The following KIAA1328 variants were observed in gnomAD, a reference collection of about 807,000 sequenced individuals.
KIAA1328 encodes the protein KIAA1328.
In KIAA1328, 52 loss-of-function variants were observed where a neutral mutation model predicts 68.1. The ratio of observed to expected loss-of-function variants is 0.76; its 90% CI spans 0.61 to 0.96. The LOEUF (loss-of-function observed/expected upper bound fraction) is 0.96. Ranked by LOEUF, KIAA1328 falls within the 40% of genes least tolerant of loss-of-function variation. The pLI, the probability that KIAA1328 is intolerant of heterozygous loss-of-function variation, is 0.00. For missense variants in KIAA1328, 641 were observed against 677.6 expected (o/e 0.95, Z 0.60); for synonymous variants, 232 against 239.4 (o/e 0.97, Z 0.28).
At chr18:37,014,006 G>T (rs1442331045) in intron 6 of KIAA1328, among the ~76,000 whole-genome samples, 1 of 152,126 alleles carries the variant, frequency 6.6e-6, no homozygotes, top group Non-Finnish European at 1.5e-5. Flanking sequence ...GCCAGCATCT[G>T]TTTTTTTGTT....
intron 6 of KIAA1328, among the ~76,000 whole-genome samples, chr18:36,995,407 G>A (rs907148463): frequency 1.2e-4 from 19 of 152,026 alleles, no homozygotes; most frequent in African/African-American, 2.4e-4. Flanking sequence ...GAATAGTGCC[G>A]CAATAAATAT....
intron 6 of KIAA1328, among the ~76,000 whole-genome samples, chr18:37,052,503 G>C (rs1486277239): frequency 1.3e-5 from 2 of 151,670 alleles, no homozygotes; most frequent in Non-Finnish European, 2.9e-5. Context: ...AATCAGACAA[G>C]ATAAAGAAAT....
chr18:37,038,487 A>G (rs1173296097), intron 6 of KIAA1328, among the ~76,000 whole-genome samples: 1 of 152,158 alleles, frequency 6.6e-6, no homozygotes, highest in East Asian at 1.9e-4. Context: ...ATATTAAAAT[A>G]TAGTGGATGT....
At chr18:37,147,954 T>C (rs1167497876) in intron 7 of KIAA1328, among the ~76,000 whole-genome samples, 1 of 152,082 alleles carries the variant, frequency 6.6e-6, no homozygotes, top group African/African-American at 2.4e-5. Flanking sequence ...GGCTACAAAC[T>C]TGTAGGGCAT....
chr18:37,064,849 A>AT (rs1321253602), intron 6 of KIAA1328, among the ~76,000 whole-genome samples: 1 of 152,132 alleles, frequency 6.6e-6, no homozygotes, highest in African/African-American at 2.4e-5. Context: ...AAGGAAGCTG[A>AT]TTCTGTCTTC....
At chr18:36,839,474 A>G (rs536820014) in intron 3 of KIAA1328, among the ~76,000 whole-genome samples, 1 of 152,326 alleles carries the variant, frequency 6.6e-6, no homozygotes, top group South Asian at 2.1e-4. Context: ...TCTTGAACAT[A>G]TGGAACATAG....
intron 6 of KIAA1328, among the ~76,000 whole-genome samples, chr18:36,960,018 AG>A (rs2051592897): frequency 6.6e-6 from 1 of 152,224 alleles, no homozygotes; most frequent in African/African-American, 2.4e-5. Flanking sequence ...TAAGCCCTAA[AG>A]ACCCACTTCT....
At chr18:36,861,234 GT>G (rs1392805534) in intron 4 of KIAA1328, among the ~76,000 whole-genome samples, 1 of 151,422 alleles carries the variant, frequency 6.6e-6, no homozygotes, top group African/African-American at 2.4e-5. Flanking sequence ...CCTTTCATTT[GT>G]TTTTTTTCTC....
At position 37,156,205 on chromosome 18, in the gene KIAA1328, G is replaced by A. The variant is rs145445613; in HGVS notation, c.1233-3995G>A. Among the ~76,000 whole-genome samples, 1,411 of 151,954 alleles carry A rather than the reference G, an allele frequency of 9.3e-3. 9 individuals carry two copies. Among genetic ancestry groups the A allele is most frequent in the Admixed American group, 0.014 (212 of 15,262 alleles). ...GCAGATCACCTGAGGTCGGGAGTTC[G>A]AGACCAGCCTCACCAACATGGAGAA... On this transcript the variant is annotated intron_variant, in intron 7 of 9. Transcript: ENST00000280020.
intron 6 of KIAA1328, among the ~76,000 whole-genome samples, chr18:37,030,864 G>A (rs1358812597): frequency 6.6e-6 from 1 of 151,460 alleles, no homozygotes; most frequent in Non-Finnish European, 1.5e-5. Context: ...CCCAGTGTGT[G>A]ATGTTCCCCG....
Position 37,160,324 on chromosome 18 carries a change from A to G in KIAA1328, c.1357A>G (p.Met453Val), listed in dbSNP as rs1354056364. 1.9e-6 allele frequency: 3 copies of G among 1,613,716 alleles called. No homozygotes were observed. The highest frequency in any genetic ancestry group is 2.2e-5 in the South Asian group (2 of 91,054). The change falls in exon 8 of 10, where the codon ATG becomes GTG. Residue 453 changes from methionine to valine, a missense_variant. Met to Val is a conservative substitution (Grantham distance 21). Transcript: ENST00000280020. Reference sequence around the variant, plus strand: ...GAAGACAGTTGGGTTTCATTCGCATATGAAAGATGATGCCCAGTGGTCATG... The same window carrying G: ...GAAGACAGTTGGGTTTCATTCGCATGTGAAAGATGATGCCCAGTGGTCATG... Reference protein sequence around the residue: ...ERKTVGFHSHMKDDAQWSCQK... With the variant: ...ERKTVGFHSHVKDDAQWSCQK...
chr18:37,047,709 T>C (rs1382295706), intron 6 of KIAA1328, among the ~76,000 whole-genome samples: 1 of 152,164 alleles, frequency 6.6e-6, no homozygotes, highest in Non-Finnish European at 1.5e-5. Context: ...GCAAAACTAA[T>C]TCCCCTGCTG....
intron 5 of KIAA1328, among the ~76,000 whole-genome samples, chr18:36,909,642 A>G (rs192044046): frequency 6.6e-6 from 1 of 152,302 alleles, no homozygotes; most frequent in East Asian, 1.9e-4. Flanking sequence ...TCCTTTGGGT[A>G]TATACCCAGT....
chr18:37,067,625 AT>A, intron 7 of KIAA1328, 80 bp downstream of exon 7: 1 of 1,365,314 alleles, frequency 7.3e-7, no homozygotes. Context: ...TAGTGGCACA[AT>A]CTCAGCTCAC....
At chr18:37,156,904 G>A (rs932848354) in intron 7 of KIAA1328, among the ~76,000 whole-genome samples, 1 of 152,090 alleles carries the variant, frequency 6.6e-6, no homozygotes, top group African/African-American at 2.4e-5. Context: ...CAGATATAGA[G>A]GTGTGGCAAG....
chr18:37,190,342 T>C (rs892643744), intron 9 of KIAA1328, among the ~76,000 whole-genome samples: 2 of 152,172 alleles, frequency 1.3e-5, no homozygotes, highest in Non-Finnish European at 2.9e-5. Flanking sequence ...TGCTATAAAA[T>C]ATGTGCTATA....
At chr18:37,032,856 G>T (rs2054886907) in intron 6 of KIAA1328, among the ~76,000 whole-genome samples, 1 of 152,056 alleles carries the variant, frequency 6.6e-6, no homozygotes, top group African/African-American at 2.4e-5. Context: ...GGTCAGGCTG[G>T]TCTGGAACTC....
Position 36,893,537 on chromosome 18 carries a change from G to GTGAAC in KIAA1328, c.448+7865_448+7866insTGAAC, listed in dbSNP as rs548702732. On this transcript the variant is annotated intron_variant, in intron 5 of 9. Coordinates refer to ENST00000280020, the MANE Select transcript of KIAA1328 (RefSeq NM_020776.3). The stretch of plus-strand genomic sequence containing the variant: ...GGGTCTCATTATGTTGCCTAGGCTG[G>GTGAAC]GTTCAAACCTCTGGGCTCAAGTGAT... 1.8e-3 allele frequency among the ~76,000 whole-genome samples: 269 copies of GTGAAC among 149,890 alleles called. 1 individual carries two copies. Among genetic ancestry groups the GTGAAC allele is most frequent in the Middle Eastern group, 3.4e-3 (1 of 292 alleles).
At chr18:37,229,701 C>T, downstream of KIAA1328, 1 of 384,370 alleles carries the variant, frequency 2.6e-6, no homozygotes, top group Non-Finnish European at 4.6e-6. Context: ...GGTGAAACCC[C>T]ATCTCTGTAT....
Sources: allele counts gnomAD v4.1 joint callset (sites outside exome capture counted in the v4.1 genomes callset), GRCh38; gene constraint gnomAD v4.1.1; transcripts MANE v1.5; gene names NCBI Gene and HGNC (gene_info 2026-07-23, HGNC 2026-07-21).